LRP5: variants seen among roughly 807,000 people sequenced by gnomAD.
LRP5 encodes low-density lipoprotein receptor-related protein 5.
LRP5 carries 62 observed loss-of-function variants against 154.1 expected under a neutral mutation model. The observed-to-expected ratio is 0.40, with a 90% CI of 0.33 to 0.50. LRP5 has a LOEUF of 0.50. Ranked by LOEUF, LRP5 falls within the 20% of genes least tolerant of loss-of-function variation. The probability of loss-of-function intolerance (pLI) is 0.55; values close to 1 mark genes in which losing one functional copy is unlikely to be tolerated. For synonymous variants in LRP5, 966 were observed against 1,011.5 expected, an observed-to-expected ratio of 0.96 and a Z score of 0.85; for missense variants, 1,915 against 2,336.7, an observed-to-expected ratio of 0.82 and a Z score of 3.72.
At chr11:68,335,122 G>A (rs1280133125) in intron 1 of LRP5, among the ~76,000 whole-genome samples, 2 of 149,682 alleles carry the variant, frequency 1.3e-5, no homozygotes, top group African/African-American at 4.9e-5. Context: ...GTCACCCCAG[G>A]CTGGAATGCA....
intron 1 of LRP5, among the ~76,000 whole-genome samples, chr11:68,341,862 T>C (rs553123586): frequency 1.3e-5 from 2 of 152,254 alleles, no homozygotes; most frequent in African/African-American, 2.4e-5. Context: ...GGTGTCCTTA[T>C]TGGCTATGTG....
intron 1 of LRP5, among the ~76,000 whole-genome samples, chr11:68,343,260 G>A (rs76705784): frequency 0.1 from 15,428 of 152,198 alleles, 1,072 homozygotes; most frequent in Admixed American, 0.24. Flanking sequence ...AGAAAGTTCC[G>A]TGTCCAGTCC....
At chr11:68,415,873 G>A (rs2098662266) in intron 12 of LRP5, among the ~76,000 whole-genome samples, 1 of 62,730 alleles carries the variant, frequency 1.6e-5, no homozygotes, top group African/African-American at 3.8e-5. Context: ...TGGCTAACAC[G>A]GTGAAACCCG....
chr11:68,420,042 G>C (rs1007455521), intron 13 of LRP5, among the ~76,000 whole-genome samples: 1 of 151,980 alleles, frequency 6.6e-6, no homozygotes, highest in African/African-American at 2.4e-5. Context: ...ACCCACCTCA[G>C]CCTCCCAAAG....
At chr11:68,321,887 G>T (rs559866888) in intron 1 of LRP5, among the ~76,000 whole-genome samples, 51 of 152,302 alleles carry the variant, frequency 3.3e-4, no homozygotes, top group African/African-American at 1.2e-3. Flanking sequence ...CTATCTGAGC[G>T]TGTGGCCTGG....
chr11:68,385,831 A>T (rs2098642664), intron 5 of LRP5, among the ~76,000 whole-genome samples: 1 of 151,812 alleles, frequency 6.6e-6, no homozygotes, highest in Non-Finnish European at 1.5e-5. Context: ...GGGAGCGATG[A>T]AGTGGCGTCG....
intron 6 of LRP5, among the ~76,000 whole-genome samples, chr11:68,388,620 A>G (rs2098644333): frequency 6.6e-6 from 1 of 152,114 alleles, no homozygotes; most frequent in South Asian, 2.1e-4. Flanking sequence ...TGTCCTTTGC[A>G]TAGGGGAGCC....
chr11:68,361,076 C>A (rs544536783), intron 3 of LRP5, among the ~76,000 whole-genome samples: 2 of 142,710 alleles, frequency 1.4e-5, no homozygotes, highest in East Asian at 4.2e-4. Context: ...GAGGCTGAGA[C>A]GGGCGGATCA....
Position 68,383,607 on chromosome 11 carries a change from C to T in LRP5, c.1016-2709C>T, listed in dbSNP as rs560238887. Among the ~76,000 whole-genome samples the T allele has an allele frequency of 5.9e-5, 9 of 152,366 alleles. No homozygotes were observed. In the East Asian group the frequency reaches 1.7e-3, roughly 29 times the overall value. On this transcript the variant is annotated intron_variant, in intron 5 of 22. Transcript: ENST00000294304. ...GTCACCCAGCAGGCCCCAGAGGTTT[C>T]GGTCTCGGATTCTCCCTGCTCATCC... is the stretch of plus-strand genomic sequence containing the variant.
rs764259701 is a variant in LRP5 at position 68,433,620 on chromosome 11, C to G, written c.3782C>G (p.Pro1261Arg). The change falls in exon 18 of 23, where the codon CCG (proline) becomes CGG (arginine). Residue 1261 changes from proline (P) to arginine (R), a missense_variant. By Grantham distance (103) the Pro-to-Arg change is moderately radical. This residue lies in a region of LRP5 where 1,094 missense variants were observed against 1,210.1 expected (regional missense o/e 0.90). Coordinates refer to ENST00000294304, the MANE Select transcript of LRP5 (RefSeq NM_002335.4). ...CCCCCAGAGCCGCCCACCTGCTCCC[C>G]GGACCAGTTTGCATGTGCCACAGGG... ...LTCGEPPTCS[P>R]DQFACATGEI... The G allele has an allele frequency of 1.2e-6, 2 of 1,613,366 alleles. No individual in the cohort carries two copies. Among genetic ancestry groups the G allele is most frequent in the Admixed American group, 3.3e-5 (2 of 60,008 alleles).
At chr11:68,303,750 C>T in the LRP5 span, among the ~76,000 whole-genome samples, 6 of 152,230 alleles carry the variant, frequency 3.9e-5, no homozygotes, top group Non-Finnish European at 8.8e-5. Flanking sequence ...ACCTAGGCCT[C>T]CCAAAGTGCT....
At chr11:68,366,516 C>G (rs1316543755) in intron 5 of LRP5, among the ~76,000 whole-genome samples, 1 of 152,078 alleles carries the variant, frequency 6.6e-6, no homozygotes, top group Non-Finnish European at 1.5e-5. Flanking sequence ...TGGCTAGGGT[C>G]TGTGTTTGTG....
At chr11:68,439,725 G>T in intron 20 of LRP5, 52 bp from the exon 21 acceptor site, 1 of 1,587,002 alleles carries the variant, frequency 6.3e-7, no homozygotes. Flanking sequence ...TCTGTGGGGC[G>T]GCTTGGCTGA....
Position 68,363,860 on chromosome 11 carries a change from C to A in LRP5, c.800C>A (p.Thr267Asn), listed in dbSNP as rs755910471. ...TRSIHACNKR[T>N]GGKRKEILSA... ...TCCATCCATGCCTGCAACAAGCGCA[C>A]TGGGGGGAAGAGGAAGGAGATCCTG... Residue 267 changes from threonine (T) to asparagine (N), a missense_variant, in exon 4 of 23, where the codon ACT (threonine) becomes AAT (asparagine). By Grantham distance (65) the Thr-to-Asn change is moderately conservative. Transcript: ENST00000294304. The A allele has an allele frequency of 7.4e-6, 12 of 1,613,088 alleles. No individual in the cohort carries two copies. The highest frequency in any genetic ancestry group is 7.6e-6 in the Non-Finnish European group (9 of 1,179,840).
At chr11:68,338,623 C>T (rs2098607006) in intron 1 of LRP5, among the ~76,000 whole-genome samples, 1 of 152,120 alleles carries the variant, frequency 6.6e-6, no homozygotes, top group African/African-American at 2.4e-5. Flanking sequence ...CCTAATAGTG[C>T]CAAGAACCCA....
chr11:68,302,788 G>A, the LRP5 span, among the ~76,000 whole-genome samples: 126 of 152,368 alleles, frequency 8.3e-4, no homozygotes, highest in Non-Finnish European at 1.5e-3. Context: ...CTGGCGGGCC[G>A]TGGCGCTGAA....
chr11:68,315,370 A>G (rs1180542636), intron 1 of LRP5, among the ~76,000 whole-genome samples: 4 of 152,220 alleles, frequency 2.6e-5, no homozygotes, highest in African/African-American at 9.7e-5. Context: ...CATCCAGTCC[A>G]CTGACAAACT....
chr11:68,440,930 A>ACTTG (rs1168965197), intron 21 of LRP5, among the ~76,000 whole-genome samples: 1 of 151,874 alleles, frequency 6.6e-6, no homozygotes, highest in Non-Finnish European at 1.5e-5. Context: ...CACCACGCCC[A>ACTTG]GCTAATTTTG....
intron 18 of LRP5, among the ~76,000 whole-genome samples, chr11:68,434,999 C>T (rs1462391978): frequency 6.6e-6 from 1 of 152,216 alleles, no homozygotes; most frequent in Non-Finnish European, 1.5e-5. Flanking sequence ...ACTAAGGGCC[C>T]AGGGGCCAAA....
Sources: gnomAD v4.1 joint callset for allele counts (sites outside exome capture counted in the v4.1 genomes callset) on GRCh38, gnomAD v4.1.1 for gene constraint, gnomAD v4.1.1 regional missense constraint, MANE v1.5 for transcripts, NCBI Gene and HGNC (gene_info 2026-07-23, HGNC 2026-07-21) for gene names.